COP1: variants seen among roughly 807,000 people sequenced by gnomAD.
The protein encoded by COP1 is E3 ubiquitin-protein ligase COP1.
Under a neutral mutation model 101.3 loss-of-function variants are expected in COP1, and 24 were observed. That is an observed-to-expected ratio of 0.24 (90% confidence interval 0.17 to 0.33). COP1 has a LOEUF of 0.33. Ranked by LOEUF, COP1 falls within the 10% of genes least tolerant of loss-of-function variation. The pLI is 1.00. For missense variants in COP1, 663 were observed against 906.2 expected (o/e 0.73, Z 3.45); for synonymous variants, 347 against 341.9 (o/e 1.01, Z -0.17).
intron 17 of COP1, 78 bp downstream of exon 17, chr1:175,988,210 T>C: frequency 7.3e-7 from 1 of 1,366,088 alleles, no homozygotes; most frequent in Non-Finnish European, 1.0e-6. Flanking sequence ...TGACTTAGTA[T>C]TTATTCTATT....
chr1:176,004,322 T>A lies in COP1; in HGVS notation c.1730-14843A>T, dbSNP rs567065911. On this transcript the variant is annotated intron_variant, in intron 15 of 19. Coordinates refer to ENST00000367669, the MANE Select transcript of COP1 (RefSeq NM_022457.7). ...ACAGGGACAATTTGACTTCCTCTTTTCCTAATTGAATACCCTTTATTTCCT... is the reference window on the plus strand; with the variant it reads ...ACAGGGACAATTTGACTTCCTCTTTACCTAATTGAATACCCTTTATTTCCT... 1.5e-4 allele frequency among the ~76,000 whole-genome samples: 22 copies of A among 144,436 alleles called. No homozygotes were observed. In the East Asian group the frequency reaches 4.4e-3, roughly 29 times the overall value. 94.8% of individuals were successfully genotyped at this position (144,436 alleles called of 152,430 possible).
chr1:176,006,348 A>C (rs1490041517), intron 15 of COP1, among the ~76,000 whole-genome samples: 6 of 152,198 alleles, frequency 3.9e-5, no homozygotes, highest in South Asian at 2.1e-4. Context: ...GTCTATTTAT[A>C]TTTAAAGTTA....
At chr1:176,003,876 A>T (rs948040489) in intron 15 of COP1, among the ~76,000 whole-genome samples, 42 of 152,188 alleles carry the variant, frequency 2.8e-4, no homozygotes, top group African/African-American at 9.4e-4. Flanking sequence ...AGTTTTTTCC[A>T]ATTCTGTGAA....
chr1:176,131,324 T>C (rs1688851160), intron 8 of COP1, among the ~76,000 whole-genome samples: 1 of 151,794 alleles, frequency 6.6e-6, no homozygotes, highest in Non-Finnish European at 1.5e-5. Context: ...GCAGAAGCAG[T>C]AAAATAGGAT....
chr1:175,957,264 C>A (rs1042752468), intron 18 of COP1, among the ~76,000 whole-genome samples: 38 of 152,172 alleles, frequency 2.5e-4, no homozygotes, highest in Admixed American at 8.5e-4. Flanking sequence ...TCACCGAGAG[C>A]AGCTTCTACT....
At chr1:176,029,439 A>C (rs565443916) in intron 14 of COP1, among the ~76,000 whole-genome samples, 8 of 152,356 alleles carry the variant, frequency 5.3e-5, no homozygotes, top group Admixed American at 2.6e-4. Context: ...ATCATTTTTC[A>C]ACAATAAAAA....
intron 15 of COP1, among the ~76,000 whole-genome samples, chr1:176,004,913 T>C (rs1240138368): frequency 6.6e-6 from 1 of 151,816 alleles, no homozygotes; most frequent in African/African-American, 2.4e-5. Flanking sequence ...ATTGGAATAG[T>C]TTCAGAAGGA....
intron 8 of COP1, among the ~76,000 whole-genome samples, chr1:176,130,512 G>C (rs569235456): frequency 1.3e-5 from 2 of 151,720 alleles, no homozygotes; most frequent in Non-Finnish European, 3.0e-5. Context: ...TAATTCTACG[G>C]AAAGTCTGAA....
At chr1:176,047,992 G>A (rs1571908597) in intron 11 of COP1, among the ~76,000 whole-genome samples, 2 of 151,740 alleles carry the variant, frequency 1.3e-5, no homozygotes, top group African/African-American at 4.8e-5. Flanking sequence ...AGGACTGCTT[G>A]AACCCAGGAA....
chr1:175,972,046 T>C (rs1571312780), intron 18 of COP1, among the ~76,000 whole-genome samples: 1 of 152,154 alleles, frequency 6.6e-6, no homozygotes, highest in Non-Finnish European at 1.5e-5. Flanking sequence ...GTGACAGAGA[T>C]GGGATCTTTG....
Position 176,002,189 on chromosome 1 carries a change from T to TCC in COP1, c.1730-12712_1730-12711dup, listed in dbSNP as rs544692723. Among the ~76,000 whole-genome samples, 400 of 152,202 alleles carry TCC rather than the reference T, an allele frequency of 2.6e-3. 3 individuals carry two copies. Among genetic ancestry groups the TCC allele is most frequent in the African/African-American group, 9.2e-3 (382 of 41,534 alleles). ...CAAATATTTTCTACCTCTTTCTCTC[T>TCC]CCTCATCTTTTGGAAATCTACAAAT... On this transcript the variant is annotated intron_variant, in intron 15 of 19. Transcript: ENST00000367669.
intron 15 of COP1, among the ~76,000 whole-genome samples, chr1:176,004,572 A>C (rs1662599838): frequency 1.3e-5 from 2 of 152,150 alleles, no homozygotes; most frequent in South Asian, 4.1e-4. Context: ...GGGTTGTTGC[A>C]TTTTGTTGAA....
intron 3 of COP1, among the ~76,000 whole-genome samples, chr1:176,167,119 AC>A (rs1695264557): frequency 6.6e-6 from 1 of 152,184 alleles, no homozygotes; most frequent in South Asian, 2.1e-4. Context: ...AGGTATATAC[AC>A]TGGACTCAAC....
chr1:176,090,587 G>A (rs1681093095), intron 9 of COP1, among the ~76,000 whole-genome samples: 1 of 152,124 alleles, frequency 6.6e-6, no homozygotes, highest in African/African-American at 2.4e-5. Flanking sequence ...GGAAAGAGGA[G>A]GACAATACCT....
intron 14 of COP1, among the ~76,000 whole-genome samples, chr1:176,036,552 G>A (rs961422135): frequency 1.4e-4 from 21 of 148,996 alleles, no homozygotes; most frequent in Non-Finnish European, 2.8e-4. Flanking sequence ...CTAGAGATAT[G>A]AGTATATTAC....
chr1:175,990,213 T>C (rs1557858919), intron 15 of COP1, among the ~76,000 whole-genome samples: 3 of 152,136 alleles, frequency 2.0e-5, no homozygotes, highest in Admixed American at 6.5e-5. Flanking sequence ...CTAATGGTTA[T>C]TTAGTAATGT....
At chr1:176,189,246 T>G (rs1293712639) in intron 1 of COP1, among the ~76,000 whole-genome samples, 1 of 152,160 alleles carries the variant, frequency 6.6e-6, no homozygotes, top group Non-Finnish European at 1.5e-5. Context: ...ATTGAGAATT[T>G]TTTCTTTCAG....
chr1:176,097,661 G>T (rs958865012), intron 9 of COP1, among the ~76,000 whole-genome samples: 1 of 152,004 alleles, frequency 6.6e-6, no homozygotes, highest in Non-Finnish European at 1.5e-5. Flanking sequence ...CTGAGGTCAG[G>T]AGTTCAAGAC....
intron 1 of COP1, among the ~76,000 whole-genome samples, chr1:176,186,205 T>C (rs1558282283): frequency 1.3e-5 from 2 of 152,012 alleles, no homozygotes; most frequent in Non-Finnish European, 2.9e-5. Flanking sequence ...ACCTAATCGT[T>C]AGCATTTTGA....
Sources: allele counts gnomAD v4.1 joint callset (sites outside exome capture counted in the v4.1 genomes callset), GRCh38; gene constraint gnomAD v4.1.1; transcripts MANE v1.5; gene names NCBI Gene and HGNC (gene_info 2026-07-23, HGNC 2026-07-21).